Variants in EPB41 observed in about 807,000 individuals in gnomAD.
The protein encoded by EPB41 is protein 4.1.
EPB41 carries 65 observed loss-of-function variants against 108.0 expected under a neutral mutation model. The ratio of observed to expected loss-of-function variants is 0.60; its 90% CI spans 0.49 to 0.74. The LOEUF is 0.74. EPB41 is among the 30% of genes least tolerant of loss of function. The pLI, the probability that EPB41 is intolerant of heterozygous loss-of-function variation, is 0.00. For synonymous variants in EPB41, 336 were observed against 358.9 expected, an observed-to-expected ratio of 0.94 and a Z score of 0.72; for missense variants, 875 against 1,037.0, an observed-to-expected ratio of 0.84 and a Z score of 2.15.
chr1:29,059,788 C>T (rs1297043123), intron 14 of EPB41, among the ~76,000 whole-genome samples: 1 of 152,020 alleles, frequency 6.6e-6, no homozygotes, highest in African/African-American at 2.4e-5. Context: ...CAAAAAAACA[C>T]CCACTGTAGC....
At chr1:28,890,337 T>C (rs2089985800) in intron 1 of EPB41, among the ~76,000 whole-genome samples, 2 of 152,222 alleles carry the variant, frequency 1.3e-5, no homozygotes, top group South Asian at 4.1e-4. Flanking sequence ...CGTGCCTGGC[T>C]GATTCTGATA....
intron 1 of EPB41, among the ~76,000 whole-genome samples, chr1:28,963,392 AT>A (rs2095278370): frequency 7.2e-6 from 1 of 139,230 alleles, no homozygotes; most frequent in Non-Finnish European, 1.5e-5. Context: ...TCTGTGTGTG[AT>A]TTTAGCCTTG....
chr1:28,894,197 GCCCCA>G lies in EPB41; in HGVS notation c.-8+6989_-8+6993del, dbSNP rs2090432061. On this transcript the variant is annotated intron_variant, in intron 1 of 16. Coordinates refer to the EPB41 transcript ENST00000347529. ...TATATTTGTTCTTTTATTCATGTAA[GCCCCA>G]CAAGGGCAGGGATTTTTGTTCATCT... Among the ~76,000 whole-genome samples, 6 of 152,304 alleles carry G rather than the reference GCCCCA, an allele frequency of 3.9e-5. No homozygotes were observed. The South Asian group carries it at 1.2e-3, about 32-fold the overall frequency.
chr1:28,911,057 A>G, upstream of EPB41: 1 of 985,226 alleles, frequency 1.0e-6, no homozygotes, highest in Non-Finnish European at 1.2e-6. Context: ...GTGAGCTGGG[A>G]CTGGATACCT....
intron 4 of EPB41, among the ~76,000 whole-genome samples, chr1:28,999,405 A>G (rs1378713707): frequency 6.6e-6 from 1 of 152,124 alleles, no homozygotes; most frequent in African/African-American, 2.4e-5. Context: ...CCATGAATCA[A>G]GGGAAATACT....
At chr1:28,940,825 G>A (rs1213313301) in intron 1 of EPB41, among the ~76,000 whole-genome samples, 2 of 152,050 alleles carry the variant, frequency 1.3e-5, no homozygotes, top group Non-Finnish European at 2.9e-5. Context: ...GTTTACAATC[G>A]TCTGACATGT....
chr1:28,980,185 C>A (rs2149420815), intron 1 of EPB41, among the ~76,000 whole-genome samples: 1 of 151,702 alleles, frequency 6.6e-6, no homozygotes, highest in Admixed American at 6.6e-5. Flanking sequence ...AATACAAAAA[C>A]AAATTAGCCA....
intron 10 of EPB41, 148 bp downstream of exon 10, chr1:29,036,071 A>G: frequency 1.5e-6 from 1 of 653,856 alleles, no homozygotes. Flanking sequence ...AAATGAATCC[A>G]TTTCTCTCCC....
At chr1:29,105,834 C>T (rs895288077) in intron 17 of EPB41, among the ~76,000 whole-genome samples, 6 of 149,846 alleles carry the variant, frequency 4.0e-5, no homozygotes, top group Non-Finnish European at 7.4e-5. Flanking sequence ...CTGCAACCTC[C>T]GCCTCCTGGT....
chr1:29,051,250 C>G (rs1644470722), intron 11 of EPB41, among the ~76,000 whole-genome samples: 1 of 151,568 alleles, frequency 6.6e-6, no homozygotes, highest in Non-Finnish European at 1.5e-5. Context: ...AGGCGCCCAC[C>G]ACCACACTTG....
chr1:28,951,584 T>G (rs1373711083), intron 1 of EPB41, among the ~76,000 whole-genome samples: 1 of 152,218 alleles, frequency 6.6e-6, no homozygotes, highest in Non-Finnish European at 1.5e-5. Flanking sequence ...CTGGGCGTGG[T>G]GGCTCATGCC....
At chr1:29,073,866 G>A (rs1337225885) in intron 16 of EPB41, among the ~76,000 whole-genome samples, 1 of 152,124 alleles carries the variant, frequency 6.6e-6, no homozygotes, top group Non-Finnish European at 1.5e-5. Context: ...TTTCCAGTTG[G>A]CATCCTAGGA....
intron 1 of EPB41, among the ~76,000 whole-genome samples, chr1:28,976,306 AG>A (rs1296797595): frequency 6.6e-6 from 1 of 152,148 alleles, no homozygotes; most frequent in Non-Finnish European, 1.5e-5. Context: ...TGTGGCATTT[AG>A]GTATTCAATA....
At chr1:29,027,946 T>G (rs2096742464) in intron 7 of EPB41, among the ~76,000 whole-genome samples, 1 of 151,978 alleles carries the variant, frequency 6.6e-6, no homozygotes, top group Non-Finnish European at 1.5e-5. Flanking sequence ...TGCCTCAGCC[T>G]CCTAAGTAGC....
At chr1:29,015,614 G>A (rs1047461408) in intron 5 of EPB41, 78 bp from the exon 6 acceptor site, 1 of 869,582 alleles carries the variant, frequency 1.1e-6, no homozygotes, top group East Asian at 2.5e-5. Flanking sequence ...AAAGAGAAAT[G>A]TTTGAATATT....
upstream of EPB41, among the ~76,000 whole-genome samples, chr1:28,910,585 T>C (rs1481922329): frequency 6.6e-6 from 1 of 152,024 alleles, no homozygotes; most frequent in Non-Finnish European, 1.5e-5. Context: ...TCCAGTCTCA[T>C]CTCTACCAGG....
At chr1:28,900,232 G>A (rs2091132739) in intron 1 of EPB41, among the ~76,000 whole-genome samples, 1 of 151,968 alleles carries the variant, frequency 6.6e-6, no homozygotes, top group African/African-American at 2.4e-5. Context: ...GCAGAAAGGT[G>A]GAGTCAGACA....
rs145926399 is a variant in EPB41 at position 29,035,909 on chromosome 1, T to C, written c.1449T>C (p.His483=). 1.2e-6 allele frequency: 2 copies of C among 1,611,856 alleles called. No homozygotes were observed. Among genetic ancestry groups the C allele is most frequent in the East Asian group, 4.5e-5 (2 of 44,856 alleles). Residue 483 remains histidine (H), a synonymous_variant, in exon 10 of 21, where the codon CAT becomes CAC. Coordinates refer to ENST00000343067, the MANE Select transcript of EPB41 (RefSeq NM_001376013.1). ...AKKLWKVCVE[H]HTFFRLTSTD... is the part of the protein sequence containing the mutation. ...AATTATGGAAAGTCTGTGTAGAACA[T>C]CACACGTTTTTCAGGTATTATTCTC...
chr1:28,927,251 C>T (rs541778702), intron 1 of EPB41, among the ~76,000 whole-genome samples: 81 of 152,218 alleles, frequency 5.3e-4, no homozygotes, highest in African/African-American at 1.8e-3. Context: ...TTAATGAATT[C>T]GTGAATTTAC....
Sources: allele counts gnomAD v4.1 joint callset (sites outside exome capture counted in the v4.1 genomes callset), GRCh38; gene constraint gnomAD v4.1.1; transcripts MANE v1.5; gene names NCBI Gene and HGNC (gene_info 2026-07-23, HGNC 2026-07-21).